Variants in SMYD3 observed in about 807,000 individuals in gnomAD.
The protein encoded by SMYD3 is histone-lysine N-methyltransferase SMYD3.
A neutral mutation model predicts 57.7 loss-of-function variants in SMYD3; 36 were observed. The observed-to-expected ratio is 0.62, with a 90% confidence interval of 0.48 to 0.82. The LOEUF is 0.82. Among genes scored for constraint, SMYD3 ranks in the 40% least tolerant of loss-of-function variants. SMYD3 has a pLI of 0.00. For synonymous variants in SMYD3, 211 were observed against 195.0 expected (o/e 1.08, Z -0.68); for missense variants, 515 against 538.8 (o/e 0.96, Z 0.44).
chr1:245,885,091 A>G (rs2148562768), intron 8 of SMYD3, among the ~76,000 whole-genome samples: 1 of 152,120 alleles, frequency 6.6e-6, no homozygotes, highest in African/African-American at 2.4e-5. Context: ...AAGAACAAAC[A>G]ACTCTGTACA....
intron 5 of SMYD3, among the ~76,000 whole-genome samples, chr1:246,030,522 T>C (rs769481637): frequency 1.6e-4 from 24 of 152,158 alleles, no homozygotes; most frequent in Non-Finnish European, 3.1e-4. Flanking sequence ...TATGCTCAAC[T>C]GTATTATATT....
chr1:246,096,636 A>G (rs2060920255), intron 5 of SMYD3, among the ~76,000 whole-genome samples: 1 of 152,252 alleles, frequency 6.6e-6, no homozygotes, highest in African/African-American at 2.4e-5. Context: ...GAGCCTAAAC[A>G]CAAAGACCTA....
chr1:246,287,984 C>A (rs559233065), intron 5 of SMYD3, among the ~76,000 whole-genome samples: 1 of 152,034 alleles, frequency 6.6e-6, no homozygotes, highest in South Asian at 2.1e-4. Context: ...GCCTGGGGCC[C>A]CCACCCCCAG....
At chr1:246,118,908 G>A (rs747784219) in intron 5 of SMYD3, among the ~76,000 whole-genome samples, 80 of 151,476 alleles carry the variant, frequency 5.3e-4, no homozygotes, top group Non-Finnish European at 9.9e-4. Flanking sequence ...GGACCTTAAG[G>A]ATGAAAGTCA....
In SMYD3 at chr1:246,207,968, C is replaced by T. The variant is rs143811772; in HGVS notation, c.531+119233G>A. 1.7e-3 allele frequency among the ~76,000 whole-genome samples: 262 copies of T among 152,044 alleles called. 2 individuals carry two copies. The highest frequency in any genetic ancestry group is 6.2e-3 in the African/African-American group (255 of 41,422). On this transcript the variant is annotated intron_variant, in intron 5 of 11. Transcript: ENST00000490107. ...CTAGTTAACCAAGATGTGCAAACTG[C>T]CAGAGTAGAAGTAAATCTACATTCT...
chr1:246,461,514 CT>C (rs1429683377), intron 1 of SMYD3, among the ~76,000 whole-genome samples: 2 of 151,986 alleles, frequency 1.3e-5, no homozygotes, highest in African/African-American at 4.8e-5. Flanking sequence ...GCACAGCAAT[CT>C]ATTTCCATGT....
chr1:246,128,074 G>A (rs79388409), intron 5 of SMYD3, among the ~76,000 whole-genome samples: 9,936 of 152,090 alleles, frequency 0.065, 615 homozygotes, highest in South Asian at 0.18. Context: ...AAATGTAGGC[G>A]TAAAGCAAAG....
chr1:245,836,709 C>T (rs1558404469), intron 10 of SMYD3, among the ~76,000 whole-genome samples: 1 of 152,222 alleles, frequency 6.6e-6, no homozygotes. Context: ...CACTCACTGG[C>T]AGCAGGGGAC....
At chr1:246,444,799 C>T (rs1484839433) in intron 1 of SMYD3, among the ~76,000 whole-genome samples, 1 of 152,084 alleles carries the variant, frequency 6.6e-6, no homozygotes, top group Non-Finnish European at 1.5e-5. Flanking sequence ...AAGCCAGGCA[C>T]ACAAAACGCA....
At chr1:245,928,528 G>A (rs2056528227) in intron 6 of SMYD3, among the ~76,000 whole-genome samples, 1 of 151,718 alleles carries the variant, frequency 6.6e-6, no homozygotes, top group African/African-American at 2.4e-5. Context: ...AAAAAAATTA[G>A]CTGGGTGTGG....
chr1:246,014,594 G>A (rs897438655), intron 5 of SMYD3, among the ~76,000 whole-genome samples: 17 of 152,200 alleles, frequency 1.1e-4, no homozygotes, highest in Non-Finnish European at 1.8e-4. Context: ...CTTTTGTAAA[G>A]CTATGGTGGA....
chr1:245,784,060 G>C (rs1292080121), intron 10 of SMYD3, among the ~76,000 whole-genome samples: 2 of 152,200 alleles, frequency 1.3e-5, no homozygotes, highest in African/African-American at 4.8e-5. Context: ...AAAGGCAAAG[G>C]AACTAGAGCA....
intron 5 of SMYD3, among the ~76,000 whole-genome samples, chr1:245,958,295 A>T (rs2057908734): frequency 6.6e-6 from 1 of 152,146 alleles, no homozygotes; most frequent in South Asian, 2.1e-4. Flanking sequence ...TGACAATACA[A>T]TCATACACGA....
intron 10 of SMYD3, among the ~76,000 whole-genome samples, chr1:245,839,062 C>T (rs1284713796): frequency 2.6e-5 from 4 of 152,214 alleles, no homozygotes; most frequent in Non-Finnish European, 5.9e-5. Context: ...GCTTTCTGGG[C>T]GGTGAGCTCT....
chr1:246,423,017 A>G (rs12046533), intron 1 of SMYD3, among the ~76,000 whole-genome samples: 151,121 of 152,296 alleles, frequency 0.99, 74,990 homozygotes, highest in East Asian at 1. Context: ...GAGTGAGATG[A>G]CCCGGCGCAG....
At chr1:245,983,806 C>T (rs555337041) in intron 5 of SMYD3, among the ~76,000 whole-genome samples, 15 of 152,118 alleles carry the variant, frequency 9.9e-5, no homozygotes, top group African/African-American at 1.4e-4. Flanking sequence ...GGAATCGTTT[C>T]GGTTTCAAGG....
intron 5 of SMYD3, among the ~76,000 whole-genome samples, chr1:246,253,701 TGTA>T (rs2063832240): frequency 6.6e-6 from 1 of 152,224 alleles, no homozygotes; most frequent in Admixed American, 6.5e-5. Context: ...TCCTAGGTGT[TGTA>T]GGTGTGTATA....
chr1:246,446,114 T>C (rs894371493), intron 1 of SMYD3, among the ~76,000 whole-genome samples: 1 of 152,178 alleles, frequency 6.6e-6, no homozygotes, highest in African/African-American at 2.4e-5. Context: ...TGTAAACATA[T>C]CAATTGCCTC....
At chr1:246,143,524 C>T (rs529556160) in intron 5 of SMYD3, among the ~76,000 whole-genome samples, 3 of 152,128 alleles carry the variant, frequency 2.0e-5, no homozygotes, top group Non-Finnish European at 2.9e-5. Context: ...AAAAATCAGC[C>T]GGCTATAGAG....
Sources: allele counts gnomAD v4.1 joint callset (sites outside exome capture counted in the v4.1 genomes callset), GRCh38; gene constraint gnomAD v4.1.1; transcripts MANE v1.5; gene names NCBI Gene and HGNC (gene_info 2026-07-23, HGNC 2026-07-21).